Variants in PTPN20 observed in about 807,000 individuals in gnomAD.
The protein encoded by PTPN20 is tyrosine-protein phosphatase non-receptor type 20.
Under a neutral mutation model 35.0 loss-of-function variants are expected in PTPN20, and 9 were observed. The observed-to-expected ratio is 0.26, with a 90% CI of 0.15 to 0.45. The LOEUF is 0.45. PTPN20 is among the 20% of genes least tolerant of loss of function. PTPN20 has a pLI of 1.00. For missense variants in PTPN20, 111 were observed against 312.5 expected, an observed-to-expected ratio of 0.36 and a Z score of 4.86; for synonymous variants, 32 against 100.2, an observed-to-expected ratio of 0.32 and a Z score of 4.06.
chr10:46,950,702 G>A (rs1473952563), intron 5 of PTPN20, among the ~76,000 whole-genome samples: 1 of 151,956 alleles, frequency 6.6e-6, no homozygotes, highest in East Asian at 1.9e-4. Flanking sequence ...AATATAGAAT[G>A]ATATAGAGAA....
intron 5 of PTPN20, among the ~76,000 whole-genome samples, chr10:46,951,239 C>T (rs1244049875): frequency 2.0e-5 from 3 of 152,116 alleles, no homozygotes; most frequent in Non-Finnish European, 4.4e-5. Context: ...GTGATCCACC[C>T]GTCTTGGTCT....
At chr10:46,968,547 G>T (rs1403631370) in intron 7 of PTPN20, among the ~76,000 whole-genome samples, 1 of 152,218 alleles carries the variant, frequency 6.6e-6, no homozygotes, top group African/African-American at 2.4e-5. Context: ...TGGGAGGGTA[G>T]TGGCACCTTC....
intron 7 of PTPN20, among the ~76,000 whole-genome samples, chr10:46,972,237 A>G (rs2052400199): frequency 6.6e-6 from 1 of 151,380 alleles, no homozygotes; most frequent in African/African-American, 2.4e-5. Flanking sequence ...CTACAAATCA[A>G]GAAGAGGACA....
chr10:46,998,912 G>A (rs1555183430), intron 9 of PTPN20, among the ~76,000 whole-genome samples: 1 of 141,398 alleles, frequency 7.1e-6, no homozygotes, highest in Non-Finnish European at 1.5e-5. Context: ...TTTAGGCCAG[G>A]AGTTTGAAAC....
intron 1 of PTPN20, among the ~76,000 whole-genome samples, chr10:46,929,596 GC>G (rs1423735848): frequency 6.6e-6 from 1 of 151,294 alleles, no homozygotes; most frequent in African/African-American, 2.5e-5. Context: ...AACATTTCTT[GC>G]CATGTCTCCA....
intron 5 of PTPN20, among the ~76,000 whole-genome samples, chr10:46,957,107 ACT>A (rs1162687170): frequency 5.6e-5 from 7 of 124,842 alleles, no homozygotes; most frequent in African/African-American, 1.6e-4. Context: ...ATTTTTTTTA[ACT>A]CTGTGTGTGT....
intron 7 of PTPN20, among the ~76,000 whole-genome samples, chr10:46,976,070 A>G (rs1408968252): frequency 1.3e-4 from 19 of 143,698 alleles, no homozygotes; most frequent in Non-Finnish European, 2.0e-4. Context: ...CAGCTTCCCA[A>G]GTAGTTGGGA....
At chr10:46,979,142 G>T (rs1240644094) in intron 7 of PTPN20, among the ~76,000 whole-genome samples, 1 of 150,034 alleles carries the variant, frequency 6.7e-6, no homozygotes, top group Admixed American at 6.7e-5. Context: ...ATAGCCTTTT[G>T]CCAGGGTGAC....
At chr10:46,938,593 T>TA (rs2042485824) in intron 2 of PTPN20, among the ~76,000 whole-genome samples, 1 of 12,872 alleles carries the variant, frequency 7.8e-5, no homozygotes, top group Admixed American at 8.1e-4. Context: ...TGCAGCTACT[T>TA]AGACTTCTCT....
chr10:46,951,249 TC>T (rs1330687037), intron 5 of PTPN20, among the ~76,000 whole-genome samples: 1 of 152,122 alleles, frequency 6.6e-6, no homozygotes, highest in Non-Finnish European at 1.5e-5. Context: ...CGTCTTGGTC[TC>T]CCAAAGTGCT....
intron 5 of PTPN20, among the ~76,000 whole-genome samples, chr10:46,948,750 C>T (rs1306466112): frequency 0.23 from 34,100 of 148,338 alleles, 2,413 homozygotes; most frequent in East Asian, 0.42. Flanking sequence ...CTGGTGCTTG[C>T]GTGCCTGGGG....
At chr10:46,925,806 A>T (rs1475174478) in intron 1 of PTPN20, among the ~76,000 whole-genome samples, 3 of 151,700 alleles carry the variant, frequency 2.0e-5, no homozygotes, top group African/African-American at 7.3e-5. Context: ...AAAATTTTGT[A>T]CCTGCAAAAG....
rs1475126697 is a variant in PTPN20 at position 46,940,486 on chromosome 10, A to G, written c.35-137A>G. 16 of 880,122 alleles carry G rather than the reference A, an allele frequency of 1.8e-5. 1 individual carries two copies. In the African/African-American group the frequency reaches 2.5e-4, roughly 14 times the overall value. 54.5% of individuals were successfully genotyped at this position (880,122 alleles called of 1,614,324 possible). On this transcript the variant is annotated intron_variant, in intron 2 of 10. Coordinates refer to ENST00000374339, the MANE Select transcript of PTPN20 (RefSeq NM_001042357.5). The stretch of plus-strand genomic sequence containing the variant: ...GAAAGAGATGATTACCATAGGAGAT[A>G]AAGATGGGGTGTTTGGAAAACAGGA...
chr10:46,994,480 C>T (rs1392417688), intron 9 of PTPN20, among the ~76,000 whole-genome samples: 3 of 151,712 alleles, frequency 2.0e-5, no homozygotes, highest in Non-Finnish European at 4.4e-5. Context: ...TACAGGCGCC[C>T]GCCATCACGC....
rs1565658487 is a variant in PTPN20 at position 47,001,117 on chromosome 10, T to TATTC, written c.*376_*377insATTC. The TATTC allele has an allele frequency of 7.4e-4, 203 of 272,968 alleles. 1 individual carries two copies. Among genetic ancestry groups the TATTC allele is most frequent in the African/African-American group, 4.3e-3 (190 of 44,500 alleles). The allele number at this position is 272,968 out of a possible 1,614,324, so 16.9% of individuals were successfully genotyped here. A position where few individuals can be genotyped will look rare whatever the true frequency, so the allele number is the denominator to read the frequency against. On this transcript the variant is annotated 3_prime_UTR_variant, in exon 11 of 11. Transcript: ENST00000374339. The stretch of plus-strand genomic sequence containing the variant: ...GAGAGAGCTGAGGATTTCCAGGACT[T>TATTC]TGTAAGTTCTTATTCTGGGAGAACA...
intron 1 of PTPN20, among the ~76,000 whole-genome samples, chr10:46,925,105 C>T (rs2036748362): frequency 6.6e-6 from 1 of 151,170 alleles, no homozygotes; most frequent in Admixed American, 6.6e-5. Context: ...CACACCCCAG[C>T]CTGGGTTGTT....
chr10:46,999,573 T>C (rs993813190), intron 9 of PTPN20, among the ~76,000 whole-genome samples: 16 of 152,280 alleles, frequency 1.1e-4, no homozygotes, highest in African/African-American at 3.8e-4. Flanking sequence ...AGATATGCTA[T>C]TGTTGGGGCC....
At chr10:46,997,515 A>G (rs931800256) in intron 9 of PTPN20, among the ~76,000 whole-genome samples, 1 of 151,902 alleles carries the variant, frequency 6.6e-6, no homozygotes, top group African/African-American at 2.4e-5. Flanking sequence ...GTCAAGTGCT[A>G]TATTGAATAA....
At chr10:46,992,068 G>A (rs2058064515) in intron 9 of PTPN20, among the ~76,000 whole-genome samples, 2 of 151,460 alleles carry the variant, frequency 1.3e-5, no homozygotes, top group African/African-American at 4.8e-5. Context: ...GTGAGTCATA[G>A]GTTTGGTCTC....
Sources: allele counts gnomAD v4.1 joint callset (sites outside exome capture counted in the v4.1 genomes callset), GRCh38; gene constraint gnomAD v4.1.1; transcripts MANE v1.5; gene names NCBI Gene and HGNC (gene_info 2026-07-23, HGNC 2026-07-21).